Variants in DEF8 observed in about 807,000 individuals in gnomAD.
The protein encoded by DEF8 is DEF-8.
DEF8 carries 38 observed loss-of-function variants against 59.1 expected under a neutral mutation model. The ratio of observed to expected loss-of-function variants is 0.64; its 90% CI spans 0.50 to 0.84. The LOEUF is 0.84. Ranked by LOEUF, DEF8 falls within the 40% of genes least tolerant of loss-of-function variation. The pLI is 0.00. For synonymous variants in DEF8, 265 were observed against 250.1 expected (o/e 1.06, Z -0.56); for missense variants, 557 against 615.2 (o/e 0.91, Z 1.00).
chr16:89,949,665 T>C lies in DEF8; in HGVS notation c.-11+152T>C, dbSNP rs532340772. Reference sequence around the variant, plus strand: ...TCCGTGCATCCCGCGTGTCCTGAGCTTCGGCCCAGGGTCCCTCCGTGCCCC... The same window carrying C: ...TCCGTGCATCCCGCGTGTCCTGAGCCTCGGCCCAGGGTCCCTCCGTGCCCC... On this transcript the variant is annotated intron_variant, in intron 2 of 12. Transcript: ENST00000563594. 5 of 1,589,256 alleles carry C rather than the reference T, an allele frequency of 3.1e-6. No individual in the cohort carries two copies. The East Asian group carries it at 6.7e-5, about 21-fold the overall frequency.
In DEF8 at chr16:89,955,163, C is replaced by T. The variant is rs748718090; in HGVS notation, c.125-6C>T. The T allele has an allele frequency of 1.9e-6, 3 of 1,611,672 alleles. No homozygotes were observed. The highest frequency in any genetic ancestry group is 1.7e-5 in the Admixed American group (1 of 59,996). ...ACGCTCCACACCTGTCCCCGTCTTC[C>T]TCCAGAGGCCCTGCCTGAGCTGCCC... On this transcript the variant is annotated splice_region_variant and splice_polypyrimidine_tract_variant and intron_variant, in intron 3 of 12. Coordinates refer to ENST00000563594, the MANE Select transcript of DEF8 (RefSeq NM_001242818.2).
intron 6 of DEF8, among the ~76,000 whole-genome samples, chr16:89,959,557 C>G (rs2033742906): frequency 6.6e-6 from 1 of 152,236 alleles, no homozygotes; most frequent in Non-Finnish European, 1.5e-5. Context: ...TGCAGTGGTG[C>G]AATCTCAGCT....
intron 2 of DEF8, chr16:89,950,370 C>T (rs2031788209): frequency 2.0e-6 from 2 of 980,926 alleles, no homozygotes; most frequent in South Asian, 9.4e-5. Flanking sequence ...AATGGAGAAC[C>T]AGAGTCTAAA....
chr16:89,964,602 G>C, intron 12 of DEF8, 27 bp downstream of exon 12: 5 of 1,518,784 alleles, frequency 3.3e-6, no homozygotes, highest in East Asian at 2.4e-5. Flanking sequence ...CCCCGCACTC[G>C]GGGGCTGGGG....
chr16:89,964,334 T>C, intron 11 of DEF8, 24 bp downstream of exon 11: 1 of 1,567,084 alleles, frequency 6.4e-7, no homozygotes. Context: ...CGAGGGCCGC[T>C]CTTCTCCAAC....
chr16:89,961,684 C>CCTCA, intron 7 of DEF8, 53 bp from the exon 8 acceptor site: 1 of 1,604,774 alleles, frequency 6.2e-7, no homozygotes, highest in Non-Finnish European at 8.5e-7. Context: ...GGCTGGAAAG[C>CCTCA]TGTGTGGGGT....
In DEF8 at chr16:89,954,394, T is replaced by A. The variant is rs1305594268; in HGVS notation, c.124+18T>A. The A allele has an allele frequency of 1.9e-6, 3 of 1,611,256 alleles. No homozygotes were observed. Among genetic ancestry groups the A allele is most frequent in the Non-Finnish European group, 2.5e-6 (3 of 1,178,724 alleles). On this transcript the variant is annotated intron_variant, in intron 3 of 12. Transcript: ENST00000563594. The surrounding 1 kb of genome is among the most constrained non-coding windows in gnomAD (Gnocchi z 4.3). The stretch of plus-strand genomic sequence containing the variant: ...TCCTGAAGGTGGGTGCTGGTGGGAG[T>A]CAGGGTGGGAGCTGGGCAGGTCTCT...
intron 2 of DEF8, among the ~76,000 whole-genome samples, chr16:89,951,690 C>T (rs2032121023): frequency 6.6e-6 from 1 of 152,158 alleles, no homozygotes; most frequent in African/African-American, 2.4e-5. Context: ...CGTCACTCTC[C>T]CCAGTGTGGC....
At position 89,957,578 on chromosome 16, in the gene DEF8, T is replaced by C; in HGVS notation, c.290T>C (p.Leu97Pro). Residue 97 changes from leucine (L) to proline (P), a missense_variant, in exon 5 of 13, where the codon CTG (leucine) becomes CCG (proline). Physicochemically the swap from Leu to Pro is moderately conservative, Grantham distance 98 (BLOSUM62 -3). Transcript: ENST00000563594. ...QAIEECKQVI[L>P]ELPEQSEKQK... Reference sequence around the variant, plus strand: ...ATCGAGGAGTGCAAGCAGGTGATTCTGGAGCTGCCCGAGCAGTCGGAGAAG... The same window carrying C: ...ATCGAGGAGTGCAAGCAGGTGATTCCGGAGCTGCCCGAGCAGTCGGAGAAG... The C allele has an allele frequency of 6.3e-7, 1 of 1,590,516 alleles. No individual in the cohort carries two copies. Among genetic ancestry groups the C allele is most frequent in the South Asian group, 1.1e-5 (1 of 87,686 alleles).
intron 7 of DEF8, 130 bp from the exon 8 acceptor site, chr16:89,961,607 C>T (rs1020591165): frequency 1.0e-5 from 12 of 1,184,256 alleles, no homozygotes; most frequent in Admixed American, 1.9e-5. Flanking sequence ...TGAGGTCTTC[C>T]GGCTGAGGAT....
In DEF8 at chr16:89,965,874, G is replaced by A. The variant is rs756440797; in HGVS notation, c.1267G>A (p.Asp423Asn). The A allele has an allele frequency of 3.7e-6, 6 of 1,613,038 alleles. No homozygotes were observed. Among genetic ancestry groups the A allele is most frequent in the Admixed American group, 3.3e-5 (2 of 59,944 alleles). Reference sequence around the variant, plus strand: ...TTCTGCCCCCAGGGACTGCTACTACGACAACTCCACCACTTGTCCCAAGTG... The same window carrying A: ...TTCTGCCCCCAGGGACTGCTACTACAACAACTCCACCACTTGTCCCAAGTG... ...SAVFHRDCYYDNSTTCPKCAR... is the reference protein window; with the variant it reads ...SAVFHRDCYYNNSTTCPKCAR... The change falls in exon 13 of 13, where the codon GAC (aspartate) becomes AAC (asparagine). Residue 423 changes from aspartate to asparagine, a missense_variant. By Grantham distance (23) the Asp-to-Asn change is conservative. Transcript: ENST00000563594.
At position 89,967,505 on chromosome 16, in the gene DEF8, G is replaced by C. The variant is rs1255325804; in HGVS notation, c.*1542G>C. On this transcript the variant is annotated 3_prime_UTR_variant, in exon 13 of 13. Coordinates refer to ENST00000563594, the MANE Select transcript of DEF8 (RefSeq NM_001242818.2). ...TCTGGAAAATGGGGGCAGGGGTCCT[G>C]ACCTACCTCAGGTGGAACGGTGAGC... is the stretch of plus-strand genomic sequence containing the variant. 1 of 398,508 alleles carries C rather than the reference G, an allele frequency of 2.5e-6. No individual in the cohort carries two copies. The highest frequency in any genetic ancestry group is 3.6e-5 in the East Asian group (1 of 28,084). 24.7% of individuals were successfully genotyped at this position (398,508 alleles called of 1,614,324 possible). A position where few individuals can be genotyped will look rare whatever the true frequency, so the allele number is the denominator to read the frequency against.
In DEF8 at chr16:89,967,469, C is replaced by T. The variant is rs914692933; in HGVS notation, c.*1506C>T. On this transcript the variant is annotated 3_prime_UTR_variant, in exon 13 of 13. Transcript: ENST00000563594. Reference sequence around the variant, plus strand: ...AAGGTTCTTATTGTCTGCTCTGCCTCGGTTTCCCCATCTGGAAAATGGGGG... The same window carrying T: ...AAGGTTCTTATTGTCTGCTCTGCCTTGGTTTCCCCATCTGGAAAATGGGGG... 8.3e-5 allele frequency: 33 copies of T among 398,484 alleles called. No individual in the cohort carries two copies. Among genetic ancestry groups the T allele is most frequent in the African/African-American group, 2.1e-5 (1 of 48,618 alleles). 24.7% of individuals were successfully genotyped at this position (398,484 alleles called of 1,614,324 possible).
chr16:89,964,528 C>T lies in DEF8; in HGVS notation c.1206C>T (p.Phe402=), dbSNP rs770523966. 2.8e-5 allele frequency: 45 copies of T among 1,595,498 alleles called. No individual in the cohort carries two copies. Among genetic ancestry groups the T allele is most frequent in the East Asian group, 6.9e-5 (3 of 43,478 alleles). ...GAGAGGGCGACGTGCTGTTCCCGTTCGACAGCCACACGTCTGTGTGCGCCG... is the reference window on the plus strand; with the variant it reads ...GAGAGGGCGACGTGCTGTTCCCGTTTGACAGCCACACGTCTGTGTGCGCCG... ...LCREGDVLFP[F]DSHTSVCADC... is the part of the protein sequence containing the mutation. Residue 402 remains phenylalanine (F), a synonymous_variant, in exon 12 of 13, where the codon TTC becomes TTT. Coordinates refer to ENST00000563594, the MANE Select transcript of DEF8 (RefSeq NM_001242818.2).
At position 89,957,659 on chromosome 16, in the gene DEF8, AG is replaced by A; in HGVS notation, c.372+1del. ...IHLRLKLQEL[K>X]DPNEDEPNIR... The stretch of plus-strand genomic sequence containing the variant: ...CTCCGGCTGAAGCTCCAGGAGCTGA[AG>A]GTGGGTGTGGGGCCGCCCCGCCGTG... On this transcript the variant is annotated frameshift_variant and splice_region_variant, in exon 5 of 13. Transcript: ENST00000563594. LOFTEE classifies it high-confidence loss of function. 2 of 1,555,884 alleles carry A rather than the reference AG, an allele frequency of 1.3e-6. No individual in the cohort carries two copies. The highest frequency in any genetic ancestry group is 1.7e-6 in the Non-Finnish European group (2 of 1,149,328).
chr16:89,958,832 G>A (rs773201130), intron 5 of DEF8, among the ~76,000 whole-genome samples, 182 bp from the exon 6 acceptor site: 10 of 152,228 alleles, frequency 6.6e-5, no homozygotes, highest in East Asian at 1.9e-4. Flanking sequence ...TGACCTTGGC[G>A]GTCCTTGTCC....
Position 89,959,990 on chromosome 16 carries a change from TA to T in DEF8, c.514+837del, listed in dbSNP as rs751057897. On this transcript the variant is annotated intron_variant, in intron 6 of 12. Transcript: ENST00000563594. Reference sequence around the variant, plus strand: ...GGTGGGGACAGTGCTGTGGTTGATATAAGGAGGAGCAGAGAGCCAGGTGTGG... The same window carrying T: ...GGTGGGGACAGTGCTGTGGTTGATATAGGAGGAGCAGAGAGCCAGGTGTGG... Among the ~76,000 whole-genome samples the T allele has an allele frequency of 3.4e-3, 512 of 150,534 alleles. 2 individuals are homozygous for T. Among genetic ancestry groups the T allele is most frequent in the Non-Finnish European group, 5.8e-3 (396 of 67,818 alleles).
intron 2 of DEF8, among the ~76,000 whole-genome samples, chr16:89,953,489 C>T (rs1236985585): frequency 6.6e-6 from 1 of 152,232 alleles, no homozygotes; most frequent in African/African-American, 2.4e-5. Context: ...TAGGCCCTTC[C>T]GGCCTGTTTC....
intron 12 of DEF8, among the ~76,000 whole-genome samples, chr16:89,965,503 C>T (rs2034524336): frequency 1.3e-5 from 2 of 152,150 alleles, no homozygotes; most frequent in South Asian, 4.1e-4. Context: ...TGCGGTGCCC[C>T]AGGGTGCCGT....
Sources: gnomAD v4.1 joint callset for allele counts (sites outside exome capture counted in the v4.1 genomes callset) on GRCh38, gnomAD v4.1.1 for gene constraint, Gnocchi (gnomAD v3.1) non-coding constraint, MANE v1.5 for transcripts, NCBI Gene and HGNC (gene_info 2026-07-23, HGNC 2026-07-21) for gene names.